The following TMEM232 variants were observed in gnomAD, a reference collection of about 807,000 sequenced individuals.
The protein encoded by TMEM232 is transmembrane protein 232.
In TMEM232, 80 loss-of-function variants were observed where a neutral mutation model predicts 78.8. The ratio of observed to expected loss-of-function variants is 1.01; its 90% confidence interval spans 0.85 to 1.22. The LOEUF (loss-of-function observed/expected upper bound fraction) is 1.22. TMEM232 is among the 50% of genes most tolerant of loss of function. The pLI is 0.00. For synonymous variants in TMEM232, 297 were observed against 254.3 expected (o/e 1.17, Z -1.60); for missense variants, 881 against 742.2 (o/e 1.19, Z -2.17).
At chr5:110,400,255 G>C (rs551765141) in intron 2 of TMEM232, among the ~76,000 whole-genome samples, 9 of 152,052 alleles carry the variant, frequency 5.9e-5, no homozygotes, top group Non-Finnish European at 1.3e-4. Context: ...TAAAACGTGC[G>C]ATATTGAGCC....
upstream of TMEM232, chr5:110,738,313 A>G (rs940497392): frequency 6.7e-6 from 8 of 1,195,050 alleles, no homozygotes; most frequent in Admixed American, 2.0e-4. Flanking sequence ...TTTGAACGAT[A>G]TAACTGGGAT....
chr5:110,392,347 T>C (rs952839725), intron 3 of TMEM232, among the ~76,000 whole-genome samples: 1 of 152,212 alleles, frequency 6.6e-6, no homozygotes, highest in African/African-American at 2.4e-5. Flanking sequence ...TCAAGCATCT[T>C]GGTAAACGGA....
chr5:110,446,625 C>T (rs1002271435), intron 12 of TMEM232, among the ~76,000 whole-genome samples: 4 of 152,148 alleles, frequency 2.6e-5, no homozygotes, highest in African/African-American at 9.7e-5. Context: ...CTTTAGGCTT[C>T]AGTCTAAACC....
At chr5:110,650,405 C>T (rs1306301869) in intron 2 of TMEM232, among the ~76,000 whole-genome samples, 2 of 151,592 alleles carry the variant, frequency 1.3e-5, no homozygotes, top group African/African-American at 4.9e-5. Flanking sequence ...TACAGTAAGC[C>T]AAAGGGAGGA....
At chr5:110,441,491 TA>T (rs1350254561) in intron 12 of TMEM232, among the ~76,000 whole-genome samples, 1 of 152,164 alleles carries the variant, frequency 6.6e-6, no homozygotes, top group African/African-American at 2.4e-5. Flanking sequence ...ATGGCACCAA[TA>T]ATCCCTGCCT....
intron 1 of TMEM232, among the ~76,000 whole-genome samples, chr5:110,693,528 C>T (rs1325191567): frequency 6.6e-6 from 1 of 152,128 alleles, no homozygotes; most frequent in African/African-American, 2.4e-5. Flanking sequence ...GAAGTTCCAA[C>T]CAATGGCAAA....
chr5:110,437,154 A>G (rs1405464970), intron 12 of TMEM232, among the ~76,000 whole-genome samples: 2 of 151,934 alleles, frequency 1.3e-5, no homozygotes, highest in Non-Finnish European at 2.9e-5. Flanking sequence ...TTCATTGCAG[A>G]AATCTTTTAC....
At chr5:110,726,108 TCACACACACACACACACA>T (rs3985014) in intron 1 of TMEM232, among the ~76,000 whole-genome samples, 11 of 144,550 alleles carry the variant, frequency 7.6e-5, no homozygotes, top group African/African-American at 2.6e-4. Flanking sequence ...CCTCTCTCTT[TCACACACACACACACACA>T]CACACACACA....
At chr5:110,422,710 T>G (rs2112621769) in intron 13 of TMEM232, among the ~76,000 whole-genome samples, 1 of 152,174 alleles carries the variant, frequency 6.6e-6, no homozygotes, top group African/African-American at 2.4e-5. Flanking sequence ...TCTTTCCCCC[T>G]TCTTAGAATT....
chr5:110,521,554 C>A (rs1310359250), intron 12 of TMEM232, among the ~76,000 whole-genome samples: 1 of 152,138 alleles, frequency 6.6e-6, no homozygotes, highest in Non-Finnish European at 1.5e-5. Flanking sequence ...AGTTTTCCTC[C>A]TTTGCTGCTT....
At chr5:110,499,906 T>C (rs375899938) in intron 12 of TMEM232, among the ~76,000 whole-genome samples, 9 of 152,284 alleles carry the variant, frequency 5.9e-5, no homozygotes, top group South Asian at 2.1e-4. Flanking sequence ...ATTTGACATA[T>C]AGAACAACAC....
chr5:110,419,803 T>A lies in TMEM232; in HGVS notation c.*777A>T, dbSNP rs1756464316. ...GTTTTCAGGAAAGGAATATAAGACA[T>A]CACAAAAACTCCACCCTATTACTCT... On this transcript the variant is annotated 3_prime_UTR_variant, in exon 14 of 14. Transcript: ENST00000455884. 6.6e-6 allele frequency among the ~76,000 whole-genome samples: 1 copy of A among 152,100 alleles called. No individual in the cohort carries two copies. Among genetic ancestry groups the A allele is most frequent in the African/African-American group, 2.4e-5 (1 of 41,446 alleles).
intron 10 of TMEM232, among the ~76,000 whole-genome samples, chr5:110,584,524 G>C (rs1044595238): frequency 6.6e-6 from 1 of 152,006 alleles, no homozygotes; most frequent in African/African-American, 2.4e-5. Context: ...GCGAATCAAT[G>C]GGTATAACAT....
At chr5:110,654,496 T>A (rs1358449056) in intron 2 of TMEM232, among the ~76,000 whole-genome samples, 1 of 152,192 alleles carries the variant, frequency 6.6e-6, no homozygotes, top group East Asian at 1.9e-4. Context: ...TCTGTTCTAT[T>A]CCATTGATCT....
chr5:110,590,792 C>G (rs1249889758), intron 10 of TMEM232, among the ~76,000 whole-genome samples: 10 of 152,156 alleles, frequency 6.6e-5, no homozygotes, highest in Admixed American at 6.6e-4. Flanking sequence ...AGGGAAGCCT[C>G]AGGAAACTTA....
At chr5:110,496,801 A>C (rs1580935331) in intron 12 of TMEM232, among the ~76,000 whole-genome samples, 1 of 152,046 alleles carries the variant, frequency 6.6e-6, no homozygotes, top group South Asian at 2.1e-4. Flanking sequence ...TGAGAAAAAA[A>C]TATTTTACTT....
chr5:110,679,924 T>G (rs1446791733), intron 1 of TMEM232, among the ~76,000 whole-genome samples: 1 of 152,196 alleles, frequency 6.6e-6, no homozygotes, highest in Non-Finnish European at 1.5e-5. Flanking sequence ...AATTTTTCCA[T>G]GACAATTTAG....
chr5:110,630,191 A>G (rs989313346), intron 5 of TMEM232, among the ~76,000 whole-genome samples: 1 of 152,252 alleles, frequency 6.6e-6, no homozygotes, highest in African/African-American at 2.4e-5. Flanking sequence ...TAGTTATATT[A>G]GCTAGAATAA....
chr5:110,627,568 T>C (rs1251156458), intron 6 of TMEM232, among the ~76,000 whole-genome samples: 2 of 152,078 alleles, frequency 1.3e-5, no homozygotes, highest in African/African-American at 4.8e-5. Context: ...AGATTTTAAA[T>C]GTTCTCACCA....
Sources: allele counts gnomAD v4.1 joint callset (sites outside exome capture counted in the v4.1 genomes callset), GRCh38; gene constraint gnomAD v4.1.1; transcripts MANE v1.5; gene names NCBI Gene and HGNC (gene_info 2026-07-23, HGNC 2026-07-21).